Variants in KCNK9 observed in about 807,000 individuals in gnomAD.
The protein encoded by KCNK9 is potassium channel subfamily K member 9.
Under a neutral mutation model 10.8 loss-of-function variants are expected in KCNK9, and 1 was observed. The ratio of observed to expected loss-of-function variants is 0.09; its 90% CI spans 0.03 to 0.44. The LOEUF is 0.44. Ranked by LOEUF, KCNK9 falls within the 20% of genes least tolerant of loss-of-function variation. The probability of loss-of-function intolerance (pLI) is 0.97; values close to 1 mark genes in which losing one functional copy is unlikely to be tolerated. For synonymous variants in KCNK9, 231 were observed against 222.7 expected (o/e 1.04, Z -0.33); for missense variants, 303 against 515.0 (o/e 0.59, Z 3.98).
intron 1 of KCNK9, among the ~76,000 whole-genome samples, chr8:139,682,558 A>G (rs1816713308): frequency 2.0e-5 from 3 of 152,168 alleles, no homozygotes; most frequent in Admixed American, 6.5e-5. Context: ...TCTGCATGGG[A>G]CAGGGGTGGA....
Position 139,703,040 on chromosome 8 carries a change from A to T in KCNK9, c.-48T>A. On this transcript the variant is annotated 5_prime_UTR_variant, in exon 1 of 2. Transcript: ENST00000520439. This position sits in a 1 kb window ranked among gnomAD's most constrained non-coding sequence, Gnocchi z 6.4. The stretch of plus-strand genomic sequence containing the variant: ...CGGGGGGCATGTCCCGCAGGCTCAC[A>T]GCCGCGCGCGTCCCACTGCAGCGCC... 1 of 1,528,078 alleles carries T rather than the reference A, an allele frequency of 6.5e-7. No homozygotes were observed. The highest frequency in any genetic ancestry group is 1.2e-5 in the South Asian group (1 of 82,862). The allele number at this position is 1,528,078 out of a possible 1,614,324, so 94.7% of individuals were successfully genotyped here.
chr8:139,653,433 T>G (rs1164920935), intron 1 of KCNK9, among the ~76,000 whole-genome samples: 1 of 152,048 alleles, frequency 6.6e-6, no homozygotes, highest in African/African-American at 2.4e-5. Context: ...CCCCTGCAAG[T>G]GAGCCTCTGC....
At position 139,631,658 on chromosome 8, in the gene KCNK9, T is replaced by G. The variant is rs188898958; in HGVS notation, c.284-12559A>C. Among the ~76,000 whole-genome samples the G allele has an allele frequency of 1.8e-4, 28 of 152,170 alleles. No homozygotes were observed. In the East Asian group the frequency reaches 4.1e-3, roughly 22 times the overall value. On this transcript the variant is annotated intron_variant, in intron 1 of 1. Coordinates refer to ENST00000520439, the MANE Select transcript of KCNK9 (RefSeq NM_001282534.2). ...AATTCCTCTCCCACTCCAAAAAAAT[T>G]TTTAGAAATACTACAAGAAAATGTG...
rs149733098 is a variant in KCNK9, at chr8:139,685,325, C to T, written c.283+17385G>A. ...TACTTTAAGTTCTAGGGTACATGTG[C>T]GCAACGTGCAGGTTTGTTACATAGG... On this transcript the variant is annotated intron_variant, in intron 1 of 1. Transcript: ENST00000520439. 6.3e-3 allele frequency among the ~76,000 whole-genome samples: 959 copies of T among 151,934 alleles called. 10 individuals carry two copies. Among genetic ancestry groups the T allele is most frequent in the African/African-American group, 0.021 (888 of 41,420 alleles).
chr8:139,657,404 A>G (rs1816048269), intron 1 of KCNK9, among the ~76,000 whole-genome samples: 1 of 152,148 alleles, frequency 6.6e-6, no homozygotes, highest in Non-Finnish European at 1.5e-5. Flanking sequence ...GCAGTGGGAG[A>G]AGGCAGGTCA....
intron 1 of KCNK9, among the ~76,000 whole-genome samples, chr8:139,646,585 C>T (rs1815692523): frequency 6.6e-6 from 1 of 152,180 alleles, no homozygotes; most frequent in Non-Finnish European, 1.5e-5. Flanking sequence ...GTACAACCCG[C>T]CAGTAAATGG....
rs146957953 is a variant in KCNK9, at chr8:139,698,721, G to A, written c.283+3989C>T. Among the ~76,000 whole-genome samples, 666 of 152,348 alleles carry A rather than the reference G, an allele frequency of 4.4e-3. 1 individual carries two copies. The highest frequency in any genetic ancestry group is 0.015 in the African/African-American group (635 of 41,578). On this transcript the variant is annotated intron_variant, in intron 1 of 1. Transcript: ENST00000520439. ...GAGCAGCACAGACCTGGCAGGGCCA[G>A]GTGCTCGCCCAGAGTGTGAACCACG...
At chr8:139,622,518 C>T (rs752373294) in intron 1 of KCNK9, among the ~76,000 whole-genome samples, 2 of 152,152 alleles carry the variant, frequency 1.3e-5, no homozygotes, top group Non-Finnish European at 2.9e-5. Context: ...CATCTGTCAG[C>T]GGGCTTACAG....
intron 1 of KCNK9, among the ~76,000 whole-genome samples, chr8:139,681,348 C>T (rs1816683700): frequency 1.3e-5 from 2 of 152,192 alleles, no homozygotes; most frequent in Admixed American, 6.5e-5. Context: ...GCAGAGTGGC[C>T]GTGAAAGACA....
intron 1 of KCNK9, among the ~76,000 whole-genome samples, chr8:139,635,064 C>T (rs761028005): frequency 3.0e-4 from 46 of 152,186 alleles, no homozygotes; most frequent in African/African-American, 6.0e-4. Context: ...AGCAGCCAGC[C>T]GGGAGCAGGA....
chr8:139,637,720 T>TA (rs1449430727), intron 1 of KCNK9, among the ~76,000 whole-genome samples: 4 of 148,786 alleles, frequency 2.7e-5, no homozygotes, highest in African/African-American at 5.1e-5. Context: ...ATTGAATACT[T>TA]AAAGTTTGCT....
At chr8:139,646,151 T>C (rs1419406978) in intron 1 of KCNK9, among the ~76,000 whole-genome samples, 1 of 151,910 alleles carries the variant, frequency 6.6e-6, no homozygotes, top group Non-Finnish European at 1.5e-5. Flanking sequence ...CTGAACTAGA[T>C]GTCACCTCCC....
intron 1 of KCNK9, among the ~76,000 whole-genome samples, chr8:139,666,577 G>A (rs1454246519): frequency 1.3e-5 from 2 of 152,220 alleles, no homozygotes; most frequent in African/African-American, 2.4e-5. Flanking sequence ...CTTGAACCTA[G>A]GCTCAGCTCT....
intron 1 of KCNK9, among the ~76,000 whole-genome samples, chr8:139,682,636 G>C (rs539835612): frequency 6.6e-6 from 1 of 152,340 alleles, no homozygotes; most frequent in South Asian, 2.1e-4. Flanking sequence ...CAAGGGCCAT[G>C]GTAAGCAATG....
At chr8:139,669,727 C>T (rs545500968) in intron 1 of KCNK9, among the ~76,000 whole-genome samples, 6 of 152,308 alleles carry the variant, frequency 3.9e-5, no homozygotes, top group East Asian at 1.9e-4. Flanking sequence ...CCTCCTTCTA[C>T]GAATCACAAA....
chr8:139,692,562 C>A (rs1213410391), intron 1 of KCNK9, among the ~76,000 whole-genome samples: 1 of 152,190 alleles, frequency 6.6e-6, no homozygotes, highest in African/African-American at 2.4e-5. Flanking sequence ...AGACAGACAC[C>A]AGACCAATTT....
chr8:139,670,429 AT>A (rs1816400727), intron 1 of KCNK9, among the ~76,000 whole-genome samples: 1 of 152,232 alleles, frequency 6.6e-6, no homozygotes, highest in Non-Finnish European at 1.5e-5. Flanking sequence ...AAAAATAAAA[AT>A]AAAAAAAGCA....
intron 1 of KCNK9, among the ~76,000 whole-genome samples, chr8:139,651,618 C>T (rs560278875): frequency 5.3e-5 from 8 of 152,216 alleles, no homozygotes; most frequent in Non-Finnish European, 1.0e-4. Flanking sequence ...CCTTCTGTAG[C>T]GGATGGATGG....
Position 139,642,663 on chromosome 8 carries a change from A to T in KCNK9, c.284-23564T>A, listed in dbSNP as rs902618522. Among the ~76,000 whole-genome samples the T allele has an allele frequency of 2.6e-5, 4 of 152,314 alleles. No homozygotes were observed. The East Asian group carries it at 7.7e-4, about 29-fold the overall frequency. On this transcript the variant is annotated intron_variant, in intron 1 of 1. Coordinates refer to ENST00000520439, the MANE Select transcript of KCNK9 (RefSeq NM_001282534.2). ...GATTCAGTGGGGAGCAGCCACTTCC[A>T]CTGCAGCTTCTCCTGAGACCTGCAC...
Sources: allele counts gnomAD v4.1 joint callset (sites outside exome capture counted in the v4.1 genomes callset), GRCh38; gene constraint gnomAD v4.1.1; non-coding constraint Gnocchi (gnomAD v3.1); transcripts MANE v1.5; gene names NCBI Gene and HGNC (gene_info 2026-07-23, HGNC 2026-07-21).